WDR76: variants seen among roughly 807,000 people sequenced by gnomAD.
WDR76 encodes WD repeat-containing protein 76.
WDR76 carries 52 observed loss-of-function variants against 70.2 expected under a neutral mutation model. The ratio of observed to expected loss-of-function variants is 0.74; its 90% CI spans 0.59 to 0.93. The LOEUF is 0.93. Ranked by LOEUF, WDR76 falls within the 40% of genes least tolerant of loss-of-function variation. The pLI is 0.00. For missense variants in WDR76, 756 were observed against 760.2 expected (o/e 0.99, Z 0.07); for synonymous variants, 292 against 271.1 (o/e 1.08, Z -0.76).
At chr15:43,830,338 G>A (rs1457688310) in intron 2 of WDR76, among the ~76,000 whole-genome samples, 1 of 151,946 alleles carries the variant, frequency 6.6e-6, no homozygotes, top group Admixed American at 6.6e-5. Flanking sequence ...TGAAGCAGGT[G>A]GATCACCTGA....
intron 12 of WDR76, among the ~76,000 whole-genome samples, chr15:43,863,575 A>G (rs2088032406): frequency 6.6e-6 from 1 of 151,578 alleles, no homozygotes. Flanking sequence ...AAAAAAAAAA[A>G]AAGAAACAGG....
intron 12 of WDR76, chr15:43,864,140 C>T (rs527628647): frequency 6.6e-5 from 10 of 152,208 alleles, no homozygotes; most frequent in African/African-American, 1.7e-4. Context: ...AATAGTATTC[C>T]GTTATGTGTA....
intron 12 of WDR76, among the ~76,000 whole-genome samples, chr15:43,863,402 C>T (rs867001015): frequency 1.3e-5 from 2 of 152,030 alleles, no homozygotes; most frequent in East Asian, 3.8e-4. Context: ...CAGCAATCTT[C>T]AAGAATATAA....
At chr15:43,855,186 G>C (rs1166055573) in intron 9 of WDR76, among the ~76,000 whole-genome samples, 1 of 152,138 alleles carries the variant, frequency 6.6e-6, no homozygotes, top group Non-Finnish European at 1.5e-5. Context: ...GCATATATTC[G>C]TAATTTGTTT....
chr15:43,857,195 C>T (rs532939348), intron 10 of WDR76, 32 bp downstream of exon 10: 2 of 1,552,234 alleles, frequency 1.3e-6, no homozygotes, highest in South Asian at 1.2e-5. Context: ...ATGACTTAGA[C>T]CTTTTAATGT....
At chr15:43,864,596 TTTTC>T (rs1280562695) in intron 12 of WDR76, among the ~76,000 whole-genome samples, 54 of 152,140 alleles carry the variant, frequency 3.5e-4, no homozygotes, top group African/African-American at 1.2e-3. Flanking sequence ...TAATTATTTG[TTTTC>T]TTTTTTTTTT....
chr15:43,838,425 A>G (rs1424754170), intron 4 of WDR76, among the ~76,000 whole-genome samples: 1 of 151,822 alleles, frequency 6.6e-6, no homozygotes, highest in Non-Finnish European at 1.5e-5. Context: ...ACCTCAAGTG[A>G]TCCACCCACC....
intron 2 of WDR76, among the ~76,000 whole-genome samples, chr15:43,834,381 A>G (rs1199690272): frequency 6.8e-6 from 1 of 147,838 alleles, no homozygotes; most frequent in African/African-American, 2.5e-5. Flanking sequence ...GCTTGCTGCA[A>G]CCCCCACCTC....
chr15:43,832,748 T>A (rs1567182137), intron 2 of WDR76, among the ~76,000 whole-genome samples: 2 of 126,750 alleles, frequency 1.6e-5, no homozygotes, highest in African/African-American at 5.7e-5. Context: ...GCTTTGTTTT[T>A]TTTTTTTTTT....
chr15:43,849,256 TTAAA>T (rs1261614226), intron 8 of WDR76, among the ~76,000 whole-genome samples: 3 of 152,096 alleles, frequency 2.0e-5, no homozygotes, highest in African/African-American at 7.2e-5. Flanking sequence ...AATTAACAGT[TTAAA>T]AAATAAAAAG....
At chr15:43,842,131 G>C (rs554072448) in intron 5 of WDR76, among the ~76,000 whole-genome samples, 1 of 152,288 alleles carries the variant, frequency 6.6e-6, no homozygotes, top group South Asian at 2.1e-4. Context: ...CTGCCAAAGT[G>C]CTGGGATTAC....
chr15:43,858,692 A>G lies in WDR76; in HGVS notation c.1431A>G (p.Ala477=). The G allele has an allele frequency of 6.2e-7, 1 of 1,614,108 alleles. No individual in the cohort carries two copies. The highest frequency in any genetic ancestry group is 8.5e-7 in the Non-Finnish European group (1 of 1,179,996). Residue 477 remains alanine (A), a synonymous_variant, in exon 11 of 13, where the codon GCA becomes GCG. Transcript: ENST00000263795. ...AGLRDTHIYD[A]RRLNSRRSQP... ...ACAGGGATACTCATATTTATGATGC[A>G]AGGCGATTGAATTCCAGGAGAAGTC...
rs201212544 is a variant in WDR76 at position 43,837,053 on chromosome 15, A to AC, written c.608+837_608+838insC. Reference sequence around the variant, plus strand: ...GAGACTCCATCTCACAAAAAAAAAAAAAACAAAAAAAAACAACTATTTGCT... The same window carrying AC: ...GAGACTCCATCTCACAAAAAAAAAAACAAACAAAAAAAAACAACTATTTGCT... On this transcript the variant is annotated intron_variant, in intron 4 of 12. Transcript: ENST00000263795. 9.5e-3 allele frequency among the ~76,000 whole-genome samples: 1,445 copies of AC among 151,816 alleles called. 18 individuals are homozygous for AC. Among genetic ancestry groups the AC allele is most frequent in the African/African-American group, 0.033 (1,354 of 41,400 alleles).
At chr15:43,846,171 A>T (rs1447053771) in intron 8 of WDR76, among the ~76,000 whole-genome samples, 1 of 149,784 alleles carries the variant, frequency 6.7e-6, no homozygotes, top group East Asian at 1.9e-4. Flanking sequence ...GGTACCATGT[A>T]GTGAGTTGAG....
At chr15:43,837,816 C>G (rs887579500) in intron 4 of WDR76, among the ~76,000 whole-genome samples, 6 of 151,984 alleles carry the variant, frequency 3.9e-5, no homozygotes, top group Non-Finnish European at 7.4e-5. Flanking sequence ...ATATACCCCT[C>G]CCTCCCGATA....
In WDR76 at chr15:43,861,356, C is replaced by T. The variant is rs1391982215; in HGVS notation, c.1586C>T (p.Ser529Phe). 2 of 1,613,850 alleles carry T rather than the reference C, an allele frequency of 1.2e-6. No individual in the cohort carries two copies. Among genetic ancestry groups the T allele is most frequent in the Non-Finnish European group, 1.7e-6 (2 of 1,179,962 alleles). Residue 529 changes from serine (S) to phenylalanine (F), a missense_variant, in exon 12 of 13, where the codon TCT (serine) becomes TTT (phenylalanine). Ser to Phe is a radical substitution (Grantham distance 155). Coordinates refer to ENST00000263795, the MANE Select transcript of WDR76 (RefSeq NM_024908.4). ...NLRIFDSSCI[S>F]SKIPLLTTIR... is the part of the protein sequence containing the mutation. ...AGAATTTTTGACAGCAGCTGTATATCTTCTAAGATTCCGCTCCTCACCACC... is the reference window on the plus strand; with the variant it reads ...AGAATTTTTGACAGCAGCTGTATATTTTCTAAGATTCCGCTCCTCACCACC...
intron 7 of WDR76, 110 bp from the exon 8 acceptor site, chr15:43,843,791 G>GT: frequency 3.0e-6 from 3 of 988,214 alleles, no homozygotes; most frequent in Non-Finnish European, 2.9e-6. Context: ...AGATTGAATA[G>GT]TTCCCATATT....
At chr15:43,850,045 TTAAA>T (rs1307870207) in intron 8 of WDR76, among the ~76,000 whole-genome samples, 1 of 152,006 alleles carries the variant, frequency 6.6e-6, no homozygotes, top group Non-Finnish European at 1.5e-5. Context: ...ATTTTAAAAT[TTAAA>T]ATAAAAAAGA....
At chr15:43,861,005 C>T (rs1432781628) in intron 11 of WDR76, among the ~76,000 whole-genome samples, 1 of 133,830 alleles carries the variant, frequency 7.5e-6, no homozygotes, top group African/African-American at 2.8e-5. Context: ...AGTGTAATCT[C>T]AAACTCCTGG....
Sources: allele counts gnomAD v4.1 joint callset (sites outside exome capture counted in the v4.1 genomes callset), GRCh38; gene constraint gnomAD v4.1.1; transcripts MANE v1.5; gene names NCBI Gene and HGNC (gene_info 2026-07-23, HGNC 2026-07-21).